Variants in SUSD1 observed in about 807,000 individuals in gnomAD.
SUSD1 encodes sushi domain containing 1.
SUSD1 carries 65 observed loss-of-function variants against 86.9 expected under a neutral mutation model. The ratio of observed to expected loss-of-function variants is 0.75; its 90% CI spans 0.61 to 0.92. The LOEUF is 0.92. SUSD1 is among the 40% of genes least tolerant of loss of function. The pLI is 0.00. For synonymous variants in SUSD1, 346 were observed against 350.0 expected, an observed-to-expected ratio of 0.99 and a Z score of 0.13; for missense variants, 850 against 929.7, an observed-to-expected ratio of 0.91 and a Z score of 1.11.
At chr9:112,081,104 C>T (rs1038116827) in intron 10 of SUSD1, among the ~76,000 whole-genome samples, 1 of 152,158 alleles carries the variant, frequency 6.6e-6, no homozygotes. Flanking sequence ...TTATTCAAAA[C>T]CCTGACATCA....
intron 12 of SUSD1, among the ~76,000 whole-genome samples, chr9:112,072,507 C>T (rs770020387): frequency 1.3e-5 from 2 of 152,166 alleles, no homozygotes; most frequent in Non-Finnish European, 2.9e-5. Context: ...TACAGCTCAG[C>T]AAGCCCCTCC....
At chr9:112,094,103 C>T (rs1352112835) in intron 10 of SUSD1, among the ~76,000 whole-genome samples, 2 of 152,114 alleles carry the variant, frequency 1.3e-5, no homozygotes, top group Middle Eastern at 3.2e-3. Flanking sequence ...TGCTCCCCTC[C>T]CCAAAGGCCT....
At chr9:112,057,232 A>T (rs1828490487) in intron 14 of SUSD1, among the ~76,000 whole-genome samples, 1 of 152,172 alleles carries the variant, frequency 6.6e-6, no homozygotes. Context: ...TGGCACCTTG[A>T]TCTTGGGCTT....
Position 112,054,927 on chromosome 9 carries a change from C to T in SUSD1, c.2110-2489G>A, listed in dbSNP as rs113971653. On this transcript the variant is annotated intron_variant, in intron 14 of 16. Coordinates refer to ENST00000374270, the MANE Select transcript of SUSD1 (RefSeq NM_022486.5). Reference sequence around the variant, plus strand: ...AATGGGCGAAAATATTTGCAAATCACGTATTTCACAAGGGATTACAGTAAT... The same window carrying T: ...AATGGGCGAAAATATTTGCAAATCATGTATTTCACAAGGGATTACAGTAAT... Among the ~76,000 whole-genome samples the T allele has an allele frequency of 5.4e-3, 822 of 152,236 alleles. 9 individuals are homozygous for T. Among genetic ancestry groups the T allele is most frequent in the African/African-American group, 0.018 (763 of 41,548 alleles).
chr9:112,159,461 G>A (rs1413614278), intron 1 of SUSD1, among the ~76,000 whole-genome samples: 4 of 152,116 alleles, frequency 2.6e-5, no homozygotes, highest in African/African-American at 9.7e-5. Context: ...ACTAAGTAAT[G>A]CCAAATTAAC....
At chr9:112,147,326 G>C (rs1832845533) in intron 3 of SUSD1, among the ~76,000 whole-genome samples, 3 of 152,164 alleles carry the variant, frequency 2.0e-5, no homozygotes, top group African/African-American at 4.8e-5. Context: ...GGCCAACATG[G>C]TGAAACCCTG....
intron 13 of SUSD1, 32 bp from the exon 14 acceptor site, chr9:112,058,718 C>T (rs775214154): frequency 6.2e-7 from 1 of 1,609,424 alleles, no homozygotes; most frequent in Non-Finnish European, 8.5e-7. Flanking sequence ...GTCCATCAGA[C>T]CCTTGCATGG....
intron 12 of SUSD1, among the ~76,000 whole-genome samples, chr9:112,066,266 G>A (rs1345627377): frequency 6.6e-6 from 1 of 152,162 alleles, no homozygotes; most frequent in African/African-American, 2.4e-5. Context: ...GAGCTTGGGG[G>A]TCCTGGGGTG....
At chr9:112,114,914 G>A (rs1831249866) in intron 6 of SUSD1, among the ~76,000 whole-genome samples, 1 of 152,194 alleles carries the variant, frequency 6.6e-6, no homozygotes. Context: ...CCCACCCTCT[G>A]TGGAGACCAG....
intron 7 of SUSD1, chr9:112,112,115 G>A (rs1029486105): frequency 8.0e-5 from 25 of 312,482 alleles, no homozygotes; most frequent in Admixed American, 2.3e-4. Flanking sequence ...ACCATTGGCT[G>A]CACTCTGTCA....
intron 15 of SUSD1, among the ~76,000 whole-genome samples, chr9:112,047,980 T>C (rs889685280): frequency 6.6e-5 from 10 of 152,204 alleles, no homozygotes; most frequent in Admixed American, 4.6e-4. Flanking sequence ...CTTGCAGTTA[T>C]AGGACTAGGG....
chr9:112,107,254 C>CAAAAAAAAA (rs71382407), intron 8 of SUSD1, among the ~76,000 whole-genome samples: 43 of 65,834 alleles, frequency 6.5e-4, no homozygotes, highest in South Asian at 1.9e-3. Context: ...GACCATATCT[C>CAAAAAAAAA]AAAAAAAAAA....
intron 6 of SUSD1, among the ~76,000 whole-genome samples, chr9:112,118,452 C>T (rs919516404): frequency 4.6e-5 from 7 of 152,090 alleles, no homozygotes; most frequent in African/African-American, 1.7e-4. Context: ...AAATATATTG[C>T]ACACTTTGGG....
intron 12 of SUSD1, among the ~76,000 whole-genome samples, chr9:112,071,915 A>G (rs2131533582): frequency 1.3e-5 from 2 of 152,318 alleles, no homozygotes; most frequent in East Asian, 3.9e-4. Flanking sequence ...CAGAAAAAAT[A>G]GTGTCTTCCA....
intron 1 of SUSD1, among the ~76,000 whole-genome samples, chr9:112,172,877 G>C (rs1284064139): frequency 6.6e-6 from 1 of 152,162 alleles, no homozygotes; most frequent in East Asian, 1.9e-4. Context: ...CGACTGTCAG[G>C]AAACCTGCCC....
At chr9:112,051,894 T>C (rs974696748) in intron 15 of SUSD1, among the ~76,000 whole-genome samples, 9 of 152,140 alleles carry the variant, frequency 5.9e-5, no homozygotes, top group Admixed American at 5.9e-4. Context: ...CAACCAGCCA[T>C]GAGGAGACAT....
At chr9:112,104,230 C>T (rs1564297429) in intron 8 of SUSD1, among the ~76,000 whole-genome samples, 2 of 151,866 alleles carry the variant, frequency 1.3e-5, no homozygotes, top group Non-Finnish European at 1.5e-5. Flanking sequence ...TGTCCCCAGG[C>T]TGGTTTCAAA....
At chr9:112,100,017 G>T (rs79927492) in intron 9 of SUSD1, among the ~76,000 whole-genome samples, 1 of 152,084 alleles carries the variant, frequency 6.6e-6, no homozygotes, top group Non-Finnish European at 1.5e-5. Context: ...GCTCCTCCAC[G>T]GTCTGGCAGT....
chr9:112,112,784 T>G lies in SUSD1; in HGVS notation c.971A>C (p.Lys324Thr). Residue 324 changes from lysine to threonine, a missense_variant, in exon 7 of 17, where the codon AAG becomes ACG. Transcript: ENST00000374270. The part of the protein sequence containing the change: ...WQINSRRINP[K>T]ISYVISIKGQ... The stretch of plus-strand genomic sequence containing the variant: ...CACTTTACTTACCACATATGAGATC[T>G]TGGGGTTTATTCTTCTTGAGTTTAT... The G allele has an allele frequency of 1.2e-6, 2 of 1,611,160 alleles. No individual in the cohort carries two copies. The highest frequency in any genetic ancestry group is 1.7e-6 in the Non-Finnish European group (2 of 1,177,278).
Sources: gnomAD v4.1 joint callset for allele counts (sites outside exome capture counted in the v4.1 genomes callset) on GRCh38, gnomAD v4.1.1 for gene constraint, MANE v1.5 for transcripts, NCBI Gene and HGNC (gene_info 2026-07-23, HGNC 2026-07-21) for gene names.